FASN: variants seen among roughly 807,000 people sequenced by gnomAD.
FASN encodes fatty acid synthase, also known as 3-hydroxyacyl-[acyl-carrier-protein] dehydratase.
A neutral mutation model predicts 250.0 loss-of-function variants in FASN; 50 were observed. The ratio of observed to expected loss-of-function variants is 0.20; its 90% CI spans 0.16 to 0.25. The LOEUF (loss-of-function observed/expected upper bound fraction) is 0.25, where lower values mean the gene tolerates loss of function less well. FASN is among the 10% of genes least tolerant of loss of function. The pLI is 1.00. For missense variants in FASN, 3,031 were observed against 3,498.5 expected, an observed-to-expected ratio of 0.87 and a Z score of 3.37; for synonymous variants, 1,909 against 1,584.0, an observed-to-expected ratio of 1.21 and a Z score of -4.87.
chr17:82,079,079 G>GGGGGTGGGGTGGGGT lies in FASN; in HGVS notation c.*49_*63dup, dbSNP rs1187942234. On this transcript the variant is annotated 3_prime_UTR_variant, in exon 43 of 43. Transcript: ENST00000306749. ...GGACCCTTCAATCCCGTTGCATGGCGGGGGTGGGGTGGGGTGGGGTGGGGA... is the reference window on the plus strand; with the variant it reads ...GGACCCTTCAATCCCGTTGCATGGCGGGGGTGGGGTGGGGTGGGGTGGGGTGGGGTGGGGTGGGGA... The GGGGGTGGGGTGGGGT allele has an allele frequency of 2.7e-6, 4 of 1,493,002 alleles. No homozygotes were observed. Among genetic ancestry groups the GGGGGTGGGGTGGGGT allele is most frequent in the Middle Eastern group, 2.3e-4 (1 of 4,296 alleles). The allele number at this position is 1,493,002 out of a possible 1,614,324, so 92.5% of individuals were successfully genotyped here. A position where few individuals can be genotyped will look rare whatever the true frequency, so the allele number is the denominator to read the frequency against.
intron 39 of FASN, 30 bp downstream of exon 39, chr17:82,080,662 C>A: frequency 7.7e-6 from 12 of 1,558,982 alleles, no homozygotes; most frequent in Non-Finnish European, 1.0e-5. Context: ...CAGCACTGAC[C>A]ACCGCTTCCA....
chr17:82,082,001 G>C lies in FASN; in HGVS notation c.6163+8C>G, dbSNP rs368725295. 142 of 1,605,402 alleles carry C rather than the reference G, an allele frequency of 8.8e-5. No homozygotes were observed. Among genetic ancestry groups the C allele is most frequent in the Middle Eastern group, 8.6e-4 (5 of 5,808 alleles). On this transcript the variant is annotated splice_region_variant and intron_variant, in intron 36 of 42. Coordinates refer to ENST00000306749, the MANE Select transcript of FASN (RefSeq NM_004104.5). ...TGGGCAGGGTCGAGGGGAGAGGGTG[G>C]GGCCCACCTGGGAGGCCTTCGTGCC... is the stretch of plus-strand genomic sequence containing the variant.
rs1487988629 is a variant in FASN, at chr17:82,091,394, C to T, written c.1320G>A (p.Gln440=). ...CCAGGTCCTGGCTGTGCCGGAGGCCCTGCTCCAGCAGCTTCTGCACGGCCT... is the reference window on the plus strand; with the variant it reads ...CCAGGTCCTGGCTGTGCCGGAGGCCTTGCTCCAGCAGCTTCTGCACGGCCT... The part of the protein sequence containing the change: ...TPEAVQKLLE[Q]GLRHSQDLAF... The change falls in exon 9 of 43, where the codon CAG becomes CAA. Residue 440 remains glutamine (Q), a synonymous_variant. Transcript: ENST00000306749. The T allele has an allele frequency of 3.7e-6, 6 of 1,610,760 alleles. No homozygotes were observed. The South Asian group carries it at 5.5e-5, about 15-fold the overall frequency.
rs768094260 is a variant in FASN at position 82,084,628 on chromosome 17, C to T, written c.4653G>A (p.Leu1551=). ...LSSIRWVCSS[L]RHAQPTCPGA... is the part of the protein sequence containing the mutation. ...CAGGGCAGGTGGGCTGGGCATGGCG[C>T]AGCGAGGAGCAGACCCAGCGGATGG... Residue 1551 remains leucine, a synonymous_variant, in exon 27 of 43, where the codon CTG becomes CTA. Coordinates refer to ENST00000306749, the MANE Select transcript of FASN (RefSeq NM_004104.5). The T allele has an allele frequency of 1.2e-6, 2 of 1,603,312 alleles. No individual in the cohort carries two copies. The highest frequency in any genetic ancestry group is 1.7e-6 in the Non-Finnish European group (2 of 1,175,724).
Position 82,093,256 on chromosome 17 carries a change from G to A in FASN, c.618C>T (p.Leu206=), listed in dbSNP as rs528276359. 2.6e-5 allele frequency: 41 copies of A among 1,593,570 alleles called. No homozygotes were observed. The South Asian group carries it at 3.5e-4, about 14-fold the overall frequency. The change falls in exon 5 of 43, where the codon CTC becomes CTT. Residue 206 remains leucine, a synonymous_variant. Transcript: ENST00000306749. ...AGGCCTTGCAGGTGCCCTCGGGGCTGAGCATCCCCAGCCTCAAGAACTGCA... is the reference window on the plus strand; with the variant it reads ...AGGCCTTGCAGGTGCCCTCGGGGCTAAGCATCCCCAGCCTCAAGAACTGCA... ...TSVQFLRLGM[L]SPEGTCKAFD...
Position 82,082,569 on chromosome 17 carries a change from C to A in FASN, c.5877G>T (p.Ala1959=). The change falls in exon 34 of 43, where the codon GCG becomes GCT. Residue 1959 remains alanine, a synonymous_variant. Coordinates refer to ENST00000306749, the MANE Select transcript of FASN (RefSeq NM_004104.5). ...LEGARGLIAE[A]AQLGPVGGVF... ...CGCCGCCCACGGGCCCAAGCTGCGC[C>A]GCCTCGGCAATGAGGCCCCGGGCCC... The A allele has an allele frequency of 6.2e-7, 1 of 1,609,300 alleles. No individual in the cohort carries two copies. Among genetic ancestry groups the A allele is most frequent in the Non-Finnish European group, 8.5e-7 (1 of 1,179,834 alleles).
At chr17:82,086,979 G>A (rs2034115230) in intron 21 of FASN, 71 bp downstream of exon 21, 3 of 1,552,132 alleles carry the variant, frequency 1.9e-6, no homozygotes, top group Non-Finnish European at 2.6e-6. Flanking sequence ...GCAAGTCTGG[G>A]GTCAACGTGA....
chr17:82,079,239 G>T lies in FASN; in HGVS notation c.7440C>A (p.Asp2480Glu). The T allele has an allele frequency of 6.2e-7, 1 of 1,613,034 alleles. No homozygotes were observed. Among genetic ancestry groups the T allele is most frequent in the Non-Finnish European group, 8.5e-7 (1 of 1,179,966 alleles). Residue 2480 changes from aspartate to glutamate, a missense_variant, in exon 43 of 43, where the codon GAC becomes GAA. Asp to Glu is a conservative substitution (Grantham distance 45). Transcript: ENST00000306749. ...GKVSVHVIEGDHRTLLEGSGL... is the reference protein window; with the variant it reads ...GKVSVHVIEGEHRTLLEGSGL... The stretch of plus-strand genomic sequence containing the variant: ...CGCTGCCCTCCAGCAGCGTGCGGTG[G>T]TCACCCTCGATGACGTGGACGGATA...
intron 8 of FASN, among the ~76,000 whole-genome samples, chr17:82,092,019 G>A (rs969124393): frequency 1.3e-5 from 2 of 152,218 alleles, no homozygotes; most frequent in African/African-American, 2.4e-5. Context: ...GGGGCAGAGG[G>A]CGTGAGTGAT....
chr17:82,096,437 C>T lies in FASN; in HGVS notation c.9G>A (p.Glu3=). The change falls in exon 2 of 43, where the codon GAG becomes GAA. Residue 3 remains glutamate, a synonymous_variant. Coordinates refer to ENST00000306749, the MANE Select transcript of FASN (RefSeq NM_004104.5). ...TCCCGGACATGCCGGCAATCACCAC[C>T]TCCTCCATGGCTGCTCTGCAGGGCG... ME[E]VVIAGMSGKL... The T allele has an allele frequency of 6.2e-7, 1 of 1,612,268 alleles. No individual in the cohort carries two copies. Among genetic ancestry groups the T allele is most frequent in the Non-Finnish European group, 8.5e-7 (1 of 1,179,980 alleles).
Position 82,095,360 on chromosome 17 carries a change from C to G in FASN, c.240G>C (p.Arg80=). The change falls in exon 3 of 43, where the codon CGG becomes CGC. Residue 80 remains arginine, a synonymous_variant. Coordinates refer to ENST00000306749, the MANE Select transcript of FASN (RefSeq NM_004104.5). Reference sequence around the variant, plus strand: ...CTTCATAGGTGACTTCCAGCAGCAGCCGCAGCTGAGGGTCCATCGTGTGTG... The same window carrying G: ...CTTCATAGGTGACTTCCAGCAGCAGGCGCAGCTGAGGGTCCATCGTGTGTG... ...KQAHTMDPQL[R]LLLEVTYEAI... 6.2e-7 allele frequency: 1 copy of G among 1,612,974 alleles called. No individual in the cohort carries two copies. Among genetic ancestry groups the G allele is most frequent in the East Asian group, 2.2e-5 (1 of 44,886 alleles).
In FASN at chr17:82,092,770, C is replaced by T. The variant is rs774092468; in HGVS notation, c.821G>A (p.Arg274His). 8 of 1,605,224 alleles carry T rather than the reference C, an allele frequency of 5.0e-6. No individual in the cohort carries two copies. The highest frequency in any genetic ancestry group is 2.2e-5 in the East Asian group (1 of 44,550). ...CACTCCGGCCGACTGGTACAACGAG[C>T]GGATGAGCTGCTCCTGGATATCCCC... Reference protein sequence around the residue: ...PSGDIQEQLIRSLYQSAGVAP... With the variant: ...PSGDIQEQLIHSLYQSAGVAP... The change falls in exon 7 of 43, where the codon CGC (arginine) becomes CAC (histidine). Residue 274 changes from arginine to histidine, a missense_variant. Transcript: ENST00000306749.
At chr17:82,093,085 G>A in intron 5 of FASN, 66 bp from the exon 6 acceptor site, 1 of 1,599,394 alleles carries the variant, frequency 6.3e-7, no homozygotes, top group Admixed American at 1.7e-5. Flanking sequence ...ACCAGGAGGA[G>A]CTCTGGGGTG....
intron 1 of FASN, chr17:82,096,893 G>A (rs891640925): frequency 1.1e-5 from 3 of 284,978 alleles, no homozygotes; most frequent in Non-Finnish European, 1.4e-5. Context: ...TGGGGACAAG[G>A]CCTCAGGTGG....
Position 82,088,535 on chromosome 17 carries a change from G to C in FASN, c.2448C>G (p.Phe816Leu). Residue 816 changes from phenylalanine (F) to leucine (L), a missense_variant, in exon 16 of 43, where the codon TTC becomes TTG. By Grantham distance (22) the Phe-to-Leu change is conservative (BLOSUM62 0). Coordinates refer to ENST00000306749, the MANE Select transcript of FASN (RefSeq NM_004104.5). ...GGGGAGCTGGGAACTCCACAGGTGG[G>C]AACAAGGCATTGGGGTTGGCGTCGA... ...SGIDANPNAL[F>L]PPVEFPAPRG... 6.2e-7 allele frequency: 1 copy of C among 1,607,346 alleles called. No individual in the cohort carries two copies. The highest frequency in any genetic ancestry group is 8.5e-7 in the Non-Finnish European group (1 of 1,176,180).
At position 82,087,595 on chromosome 17, in the gene FASN, C is replaced by A. The variant is rs182366969; in HGVS notation, c.3043+90G>T. The A allele has an allele frequency of 3.5e-3, 5,543 of 1,600,728 alleles. 17 individuals are homozygous for A. The highest frequency in any genetic ancestry group is 4.1e-3 in the Admixed American group (243 of 59,156). On this transcript the variant is annotated intron_variant, in intron 19 of 42. Transcript: ENST00000306749. ...CCGGGCCCCTCTGCTCCCTCCCAAG[C>A]TGCATGCCTAGCTGTGGGTGCCCTC...
chr17:82,094,175 C>T (rs931743983), intron 3 of FASN: 13 of 340,756 alleles, frequency 3.8e-5, no homozygotes, highest in South Asian at 2.5e-4. Flanking sequence ...GCCTCTCCAG[C>T]GCCAAGGGCA....
chr17:82,090,428 C>T lies in FASN; in HGVS notation c.1817G>A (p.Arg606Lys). Residue 606 changes from arginine (R) to lysine (K), a missense_variant, in exon 11 of 43, where the codon AGG (arginine) becomes AAG (lysine). Coordinates refer to ENST00000306749, the MANE Select transcript of FASN (RefSeq NM_004104.5). Reference sequence around the variant, plus strand: ...ATGGGCTTCTTTGATGCACTGTCCCCTCCAGTAGGCAGCGAGGACGGCCTC... The same window carrying T: ...ATGGGCTTCTTTGATGCACTGTCCCTTCCAGTAGGCAGCGAGGACGGCCTC... ...QEEAVLAAYW[R>K]GQCIKEAHLP... 6.2e-7 allele frequency: 1 copy of T among 1,602,782 alleles called. No homozygotes were observed. The highest frequency in any genetic ancestry group is 8.5e-7 in the Non-Finnish European group (1 of 1,175,802).
rs138080994 is a variant in FASN at position 82,085,091 on chromosome 17, C to T, written c.4353G>A (p.Ser1451=). The T allele has an allele frequency of 3.4e-5, 55 of 1,612,586 alleles. No homozygotes were observed. Among genetic ancestry groups the T allele is most frequent in the South Asian group, 1.9e-4 (17 of 91,084 alleles). The change falls in exon 25 of 43, where the codon TCG becomes TCA. Residue 1451 remains serine, a synonymous_variant. Coordinates refer to ENST00000306749, the MANE Select transcript of FASN (RefSeq NM_004104.5). The part of the protein sequence containing the change: ...VWLKAINCAT[S]GVVGLVNCLR... ...GACAGTTCACCAAGCCCACCACGCCCGAGGTGGCACAGTTGATGGCCTTCA... is the reference window on the plus strand; with the variant it reads ...GACAGTTCACCAAGCCCACCACGCCTGAGGTGGCACAGTTGATGGCCTTCA...
Sources: gnomAD v4.1 joint callset for allele counts (sites outside exome capture counted in the v4.1 genomes callset) on GRCh38, gnomAD v4.1.1 for gene constraint, MANE v1.5 for transcripts, NCBI Gene and HGNC (gene_info 2026-07-23, HGNC 2026-07-21) for gene names.